The following CCDC33 variants were observed in gnomAD, a reference collection of about 807,000 sequenced individuals.
CCDC33 encodes the protein coiled-coil domain containing 33, also known as coiled-coil domain-containing protein 33.
A neutral mutation model predicts 91.9 loss-of-function variants in CCDC33; 94 were observed. The ratio of observed to expected loss-of-function variants is 1.02; its 90% CI spans 0.87 to 1.21. The LOEUF is 1.21. CCDC33 is among the 50% of genes most tolerant of loss of function. The probability of loss-of-function intolerance (pLI) is 0.00; values close to 1 mark genes in which losing one functional copy is unlikely to be tolerated. For synonymous variants in CCDC33, 396 were observed against 374.5 expected, an observed-to-expected ratio of 1.06 and a Z score of -0.66; for missense variants, 940 against 935.5, an observed-to-expected ratio of 1.00 and a Z score of -0.06.
At chr15:74,259,644 T>A (rs2075967752) in intron 2 of CCDC33, among the ~76,000 whole-genome samples, 1 of 152,168 alleles carries the variant, frequency 6.6e-6, no homozygotes, top group South Asian at 2.1e-4. Flanking sequence ...CTTTCTCTGC[T>A]GGAGGAAAGT....
chr15:74,302,239 A>T (rs1318169460), intron 11 of CCDC33: 1 of 151,448 alleles, frequency 6.6e-6, no homozygotes, highest in Admixed American at 6.6e-5. Flanking sequence ...TCCCCACCCC[A>T]CTTGCCGTGC....
rs2074512452 is a variant in CCDC33 at position 74,218,745 on chromosome 15, A to G, written c.559A>G (p.Ser187Gly). 7.8e-7 allele frequency: 1 copy of G among 1,289,742 alleles called. No individual in the cohort carries two copies. The highest frequency in any genetic ancestry group is 1.5e-5 in the African/African-American group (1 of 65,976). The allele number at this position is 1,289,742 out of a possible 1,614,324, so 79.9% of individuals were successfully genotyped here. A position where few individuals can be genotyped will look rare whatever the true frequency, so the allele number is the denominator to read the frequency against. ...CCGACACTGTGGGAGCCTGGCCTACAGTGTGGCCTTCCACGTCCACCGGGG... is the reference window on the plus strand; with the variant it reads ...CCGACACTGTGGGAGCCTGGCCTACGGTGTGGCCTTCCACGTCCACCGGGG... The change falls in exon 2 of 3, where the codon AGT becomes GGT. Residue 187 changes from serine (S) to glycine (G), a missense_variant. Coordinates refer to the CCDC33 transcript ENST00000635913. The surrounding 1 kb of genome is among the most constrained non-coding windows in gnomAD (Gnocchi z 4.8).
intron 3 of CCDC33, among the ~76,000 whole-genome samples, chr15:74,265,000 C>G (rs967540786): frequency 4.6e-5 from 7 of 152,192 alleles, no homozygotes; most frequent in Admixed American, 4.6e-4. Flanking sequence ...GCCCTCTCCC[C>G]CTTCTTTCCT....
chr15:74,318,498 G>A (rs2060138535), intron 11 of CCDC33: 4 of 612,670 alleles, frequency 6.5e-6, no homozygotes, highest in Non-Finnish European at 1.2e-5. Flanking sequence ...CCTGCTTCCA[G>A]CTCAGGGCTG....
intron 15 of CCDC33, among the ~76,000 whole-genome samples, chr15:74,331,768 GC>G (rs1259442677): frequency 2.0e-5 from 3 of 152,224 alleles, no homozygotes. Context: ...AATGGTTCAT[GC>G]CTGTAATCCC....
intron 11 of CCDC33, among the ~76,000 whole-genome samples, chr15:74,323,531 A>T (rs994291927): frequency 3.5e-4 from 52 of 150,326 alleles, no homozygotes; most frequent in Non-Finnish European, 5.6e-4. Flanking sequence ...TTTTTTAATT[A>T]TTTTTTTTAT....
In CCDC33 at chr15:74,218,399, C is replaced by T; in HGVS notation, c.311-98C>T. On this transcript the variant is annotated intron_variant, in intron 1 of 2. Transcript: ENST00000635913. The surrounding 1 kb of genome is among the most constrained non-coding windows in gnomAD (Gnocchi z 4.8). ...GCTTGGCTTTGACTCAAAGTCTGGGCAGCCCAGGTTTCCCCAGGGCCCTGC... is the reference window on the plus strand; with the variant it reads ...GCTTGGCTTTGACTCAAAGTCTGGGTAGCCCAGGTTTCCCCAGGGCCCTGC... The T allele has an allele frequency of 1.7e-6, 2 of 1,160,304 alleles. No homozygotes were observed. Among genetic ancestry groups the T allele is most frequent in the South Asian group, 1.5e-5 (1 of 64,960 alleles). 71.9% of individuals were successfully genotyped at this position (1,160,304 alleles called of 1,614,324 possible).
chr15:74,272,003 C>T (rs988531429), intron 6 of CCDC33, among the ~76,000 whole-genome samples: 2 of 152,200 alleles, frequency 1.3e-5, no homozygotes, highest in Non-Finnish European at 2.9e-5. Flanking sequence ...GAGCCCAGGC[C>T]CCTGGAAAGG....
At chr15:74,330,152 G>A (rs369296937) in intron 11 of CCDC33, 37 bp from the exon 12 acceptor site, 10 of 1,540,704 alleles carry the variant, frequency 6.5e-6, no homozygotes, top group Non-Finnish European at 8.8e-6. Flanking sequence ...GGTTGCTATG[G>A]GGCAGTGGGC....
chr15:74,204,341 T>C (rs2074207064), intron 1 of CCDC33, among the ~76,000 whole-genome samples: 1 of 152,186 alleles, frequency 6.6e-6, no homozygotes, highest in African/African-American at 2.4e-5. Context: ...CTTCAGAAAT[T>C]GAGCTTGGCA....
At chr15:74,332,248 C>A (rs2060455208) in intron 15 of CCDC33, among the ~76,000 whole-genome samples, 1 of 152,128 alleles carries the variant, frequency 6.6e-6, no homozygotes, top group Non-Finnish European at 1.5e-5. Context: ...CGCTGAGGGT[C>A]TCAGGGGCAG....
At chr15:74,310,535 CAA>C (rs75401537) in intron 11 of CCDC33, among the ~76,000 whole-genome samples, 28 of 63,494 alleles carry the variant, frequency 4.4e-4, no homozygotes, top group South Asian at 3.6e-3. Context: ...GACTCCATCT[CAA>C]AAAAAAAAAA....
At position 74,316,555 on chromosome 15, in the gene CCDC33, C is replaced by G. The variant is rs533244340; in HGVS notation, c.1291-13634C>G. ...TCTGGGAGGCTTCTTGCCCCAGGAT[C>G]TTGGGGATAGCAGGGGGCACACACC... On this transcript the variant is annotated intron_variant, in intron 11 of 18. Transcript: ENST00000398814. The surrounding 1 kb of genome is among the most constrained non-coding windows in gnomAD (Gnocchi z 4.7). Among the ~76,000 whole-genome samples, 1 of 152,262 alleles carries G rather than the reference C, an allele frequency of 6.6e-6. No individual in the cohort carries two copies. Among genetic ancestry groups the G allele is most frequent in the Non-Finnish European group, 1.5e-5 (1 of 68,016 alleles).
At chr15:74,212,675 C>T (rs1429370872), upstream of CCDC33, 1 of 152,190 alleles carries the variant, frequency 6.6e-6, no homozygotes, top group Non-Finnish European at 1.5e-5. Context: ...ACCACAAATG[C>T]AGCCTGTTGG....
At position 74,330,643 on chromosome 15, in the gene CCDC33, C is replaced by T. The variant is rs2060411697; in HGVS notation, c.1457-20C>T. Reference sequence around the variant, plus strand: ...GGGAGAGGCTTCCTCCCTGAGCCAGCTCCCCAACCCACCTAACAGTGTCCA... The same window carrying T: ...GGGAGAGGCTTCCTCCCTGAGCCAGTTCCCCAACCCACCTAACAGTGTCCA... On this transcript the variant is annotated intron_variant, in intron 12 of 18. Transcript: ENST00000398814. 6.2e-7 allele frequency: 1 copy of T among 1,602,790 alleles called. No homozygotes were observed. Among genetic ancestry groups the T allele is most frequent in the Non-Finnish European group, 8.5e-7 (1 of 1,170,870 alleles).
At chr15:74,265,847 A>T (rs559677538) in intron 3 of CCDC33, among the ~76,000 whole-genome samples, 7 of 152,160 alleles carry the variant, frequency 4.6e-5, no homozygotes, top group Non-Finnish European at 8.8e-5. Context: ...AACATGGCAA[A>T]ACCTTGTCTC....
At chr15:74,232,362 G>A (rs570319355), upstream of CCDC33, among the ~76,000 whole-genome samples, 3 of 152,322 alleles carry the variant, frequency 2.0e-5, no homozygotes, top group East Asian at 1.9e-4. Flanking sequence ...AGACTACAGC[G>A]CCTTGGGGGC....
At chr15:74,319,454 G>A (rs1381846717) in intron 11 of CCDC33, 2 of 152,544 alleles carry the variant, frequency 1.3e-5, no homozygotes, top group Non-Finnish European at 2.9e-5. Context: ...AGAGTGAACA[G>A]GGCCTGTGAG....
upstream of CCDC33, among the ~76,000 whole-genome samples, chr15:74,235,722 G>A (rs1191895307): frequency 6.6e-6 from 1 of 152,178 alleles, no homozygotes; most frequent in African/African-American, 2.4e-5. Flanking sequence ...ATTTCTTGCA[G>A]TGCTCAGAAC....
Sources: allele counts gnomAD v4.1 joint callset (sites outside exome capture counted in the v4.1 genomes callset), GRCh38; gene constraint gnomAD v4.1.1; non-coding constraint Gnocchi (gnomAD v3.1); transcripts MANE v1.5; gene names NCBI Gene and HGNC (gene_info 2026-07-23, HGNC 2026-07-21).